PDGFD: variants seen among roughly 807,000 people sequenced by gnomAD.
PDGFD encodes platelet derived growth factor D.
In PDGFD, 30 loss-of-function variants were observed where a neutral mutation model predicts 44.7. The ratio of observed to expected loss-of-function variants is 0.67; its 90% CI spans 0.50 to 0.91. PDGFD has a LOEUF of 0.91. Among genes scored for constraint, PDGFD ranks in the 40% least tolerant of loss-of-function variants. The probability of loss-of-function intolerance (pLI) is 0.00; values close to 1 mark genes in which losing one functional copy is unlikely to be tolerated. For synonymous variants in PDGFD, 173 were observed against 168.4 expected (o/e 1.03, Z -0.21); for missense variants, 445 against 457.8 (o/e 0.97, Z 0.25).
intron 5 of PDGFD, among the ~76,000 whole-genome samples, chr11:103,929,188 A>C (rs1565286970): frequency 6.6e-6 from 1 of 152,196 alleles, no homozygotes; most frequent in Non-Finnish European, 1.5e-5. Context: ...ATTTGCTAAG[A>C]GTTAACAGTA....
At chr11:104,033,050 G>T (rs1271842674) in intron 1 of PDGFD, among the ~76,000 whole-genome samples, 2 of 33,714 alleles carry the variant, frequency 5.9e-5, no homozygotes, top group Non-Finnish European at 8.1e-5. Context: ...ATGTTTAGGG[G>T]TGTGTGTGTG....
intron 6 of PDGFD, among the ~76,000 whole-genome samples, chr11:103,910,364 G>A (rs2134297112): frequency 6.6e-6 from 1 of 152,346 alleles, no homozygotes; most frequent in Non-Finnish European, 1.5e-5. Context: ...CAATGCAGAA[G>A]GCGGGTGATT....
rs78870908 is a variant in PDGFD, at chr11:103,941,625, T to TA, written c.772+1826dup. On this transcript the variant is annotated intron_variant, in intron 5 of 6. Transcript: ENST00000393158. ...AGAAAACTGAGATCAGGGTGCCTGCTAAAAAAAAAATCACAAAACTTGTAA... is the reference window on the plus strand; with the variant it reads ...AGAAAACTGAGATCAGGGTGCCTGCTAAAAAAAAAAATCACAAAACTTGTAA... Among the ~76,000 whole-genome samples the TA allele has an allele frequency of 8.5e-3, 1,265 of 149,194 alleles. 47 individuals are homozygous for TA. In the East Asian group the frequency reaches 0.11, roughly 13 times the overall value.
At chr11:104,076,748 A>C (rs1253521384) in intron 1 of PDGFD, among the ~76,000 whole-genome samples, 1 of 152,160 alleles carries the variant, frequency 6.6e-6, no homozygotes, top group African/African-American at 2.4e-5. Flanking sequence ...CCACTTACAC[A>C]TGGATTTTCT....
At chr11:103,935,877 G>A (rs1465597065) in intron 5 of PDGFD, among the ~76,000 whole-genome samples, 2 of 152,158 alleles carry the variant, frequency 1.3e-5, no homozygotes, top group Non-Finnish European at 2.9e-5. Context: ...GGGTCTGTAA[G>A]TGACTTCTCC....
chr11:104,089,240 A>G lies in PDGFD; in HGVS notation c.124+74564T>C, dbSNP rs1035710959. 5.3e-5 allele frequency among the ~76,000 whole-genome samples: 8 copies of G among 152,320 alleles called. No homozygotes were observed. In the East Asian group the frequency reaches 1.5e-3, roughly 29 times the overall value. On this transcript the variant is annotated intron_variant, in intron 1 of 6. Coordinates refer to ENST00000393158, the MANE Select transcript of PDGFD (RefSeq NM_025208.5). ...ATATCAGGGTTCCTTTGGTAGTCAG[A>G]GAATTAATTTATACTGAATTTAGAA...
intron 1 of PDGFD, among the ~76,000 whole-genome samples, chr11:104,109,981 C>T (rs1350431921): frequency 1.3e-5 from 2 of 151,980 alleles, no homozygotes; most frequent in Admixed American, 1.3e-4. Context: ...GCTCCTATCA[C>T]ATTATCAAAT....
intron 1 of PDGFD, among the ~76,000 whole-genome samples, chr11:104,122,220 C>T (rs1861787437): frequency 6.6e-6 from 1 of 151,992 alleles, no homozygotes; most frequent in Admixed American, 6.6e-5. Flanking sequence ...AAAGGGCTAC[C>T]TTGGGGCCAG....
chr11:103,946,499 C>T (rs1858669792), intron 4 of PDGFD: 1 of 152,210 alleles, frequency 6.6e-6, no homozygotes, highest in African/African-American at 2.4e-5. Context: ...CATTAGACAA[C>T]CCTGAGCTAT....
At chr11:104,125,698 C>A (rs1285211941) in intron 1 of PDGFD, among the ~76,000 whole-genome samples, 3 of 152,138 alleles carry the variant, frequency 2.0e-5, no homozygotes, top group African/African-American at 4.8e-5. Context: ...CATGCTATTA[C>A]TTTACTGTGT....
chr11:104,092,865 C>T (rs1183358965), intron 1 of PDGFD, among the ~76,000 whole-genome samples: 1 of 152,126 alleles, frequency 6.6e-6, no homozygotes, highest in Non-Finnish European at 1.5e-5. Context: ...CATGCTTATT[C>T]CATCTCATAT....
intron 1 of PDGFD, among the ~76,000 whole-genome samples, chr11:104,116,005 G>T (rs11226176): frequency 0.073 from 11,033 of 152,046 alleles, 534 homozygotes; most frequent in East Asian, 0.24. Flanking sequence ...TTGCTCTGCT[G>T]ACTGTTCCTT....
intron 1 of PDGFD, among the ~76,000 whole-genome samples, chr11:104,055,872 G>A (rs1290110776): frequency 1.3e-5 from 2 of 152,000 alleles, no homozygotes; most frequent in African/African-American, 2.4e-5. Flanking sequence ...TTCATATAAG[G>A]AGAAAAACAA....
intron 1 of PDGFD, chr11:104,036,640 A>G: frequency 3.3e-6 from 2 of 607,422 alleles, no homozygotes; most frequent in Non-Finnish European, 2.9e-6. Context: ...CACAGCAGGC[A>G]CTGAGGCTGG....
At chr11:104,126,922 A>G (rs1333213266) in intron 1 of PDGFD, among the ~76,000 whole-genome samples, 1 of 152,106 alleles carries the variant, frequency 6.6e-6, no homozygotes, top group Non-Finnish European at 1.5e-5. Context: ...ACAACTGCAC[A>G]GGAAGCCTTG....
chr11:104,057,414 T>C (rs1446268060), intron 1 of PDGFD, among the ~76,000 whole-genome samples: 2 of 152,002 alleles, frequency 1.3e-5, no homozygotes, highest in African/African-American at 4.8e-5. Flanking sequence ...CTAAGCAAAT[T>C]AACACAGGAA....
At chr11:104,014,497 A>C (rs1859831532) in intron 1 of PDGFD, among the ~76,000 whole-genome samples, 1 of 152,220 alleles carries the variant, frequency 6.6e-6, no homozygotes, top group East Asian at 1.9e-4. Flanking sequence ...TCCTCTCTCC[A>C]AACAGACAAA....
At chr11:103,984,089 A>G (rs1436961302) in intron 3 of PDGFD, among the ~76,000 whole-genome samples, 1 of 151,738 alleles carries the variant, frequency 6.6e-6, no homozygotes, top group East Asian at 1.9e-4. Flanking sequence ...AAATCATTCT[A>G]TTATAAAGAC....
intron 1 of PDGFD, chr11:104,038,167 C>G: frequency 2.7e-6 from 2 of 750,546 alleles, no homozygotes; most frequent in Non-Finnish European, 4.3e-6. Flanking sequence ...TAACGTCAAT[C>G]CTGATTCCTT....
Sources: allele counts gnomAD v4.1 joint callset (sites outside exome capture counted in the v4.1 genomes callset), GRCh38; gene constraint gnomAD v4.1.1; transcripts MANE v1.5; gene names NCBI Gene and HGNC (gene_info 2026-07-23, HGNC 2026-07-21).